Variants in PRKN observed in about 807,000 individuals in gnomAD.
PRKN encodes the protein E3 ubiquitin-protein ligase parkin.
In PRKN, 56 loss-of-function variants were observed where a neutral mutation model predicts 59.5. That is an observed-to-expected ratio of 0.94 (90% CI 0.76 to 1.18). The LOEUF (loss-of-function observed/expected upper bound fraction) is 1.18, where lower values mean the gene tolerates loss of function less well. PRKN is among the 50% of genes most tolerant of loss of function. The pLI, the probability that PRKN is intolerant of heterozygous loss-of-function variation, is 0.00. For synonymous variants in PRKN, 250 were observed against 222.1 expected, an observed-to-expected ratio of 1.13 and a Z score of -1.12; for missense variants, 657 against 596.4, an observed-to-expected ratio of 1.10 and a Z score of -1.06.
At position 161,460,293 on chromosome 6, in the gene PRKN, C is replaced by T. The variant is rs1790144829; in HGVS notation, c.1084-73416G>A. ...CACCGTGTGTTTACAGAGGAGAGTGCCTTTGACCAAGATCTTGAAAAGTGG... is the reference window on the plus strand; with the variant it reads ...CACCGTGTGTTTACAGAGGAGAGTGTCTTTGACCAAGATCTTGAAAAGTGG... On this transcript the variant is annotated intron_variant, in intron 9 of 11. Coordinates refer to ENST00000366898, the MANE Select transcript of PRKN (RefSeq NM_004562.3). This position sits in a 1 kb window ranked among gnomAD's most constrained non-coding sequence, Gnocchi z 5.0. Among the ~76,000 whole-genome samples, 1 of 152,056 alleles carries T rather than the reference C, an allele frequency of 6.6e-6. No individual in the cohort carries two copies. Among genetic ancestry groups the T allele is most frequent in the South Asian group, 2.1e-4 (1 of 4,814 alleles).
chr6:162,389,483 T>C (rs978935521), intron 2 of PRKN, among the ~76,000 whole-genome samples: 10 of 152,186 alleles, frequency 6.6e-5, no homozygotes, highest in Non-Finnish European at 1.2e-4. Flanking sequence ...CATCTTGGCA[T>C]GCTCATTTAA....
chr6:161,482,986 A>C (rs922563022), intron 9 of PRKN, among the ~76,000 whole-genome samples: 4 of 152,106 alleles, frequency 2.6e-5, no homozygotes, highest in African/African-American at 9.7e-5. Flanking sequence ...ATCTTCACTA[A>C]ATTTAATCAC....
chr6:161,764,994 A>G (rs566847771), intron 7 of PRKN, among the ~76,000 whole-genome samples: 1 of 152,330 alleles, frequency 6.6e-6, no homozygotes, highest in Admixed American at 6.5e-5. Flanking sequence ...CAAACACACA[A>G]TTCACAATTA....
Position 162,425,136 on chromosome 6 carries a change from TG to T in PRKN, c.171+18173del, listed in dbSNP as rs564414149. On this transcript the variant is annotated intron_variant, in intron 2 of 11. Coordinates refer to ENST00000366898, the MANE Select transcript of PRKN (RefSeq NM_004562.3). ...ACCTGATACTAGACCTTACATTTGA[TG>T]GTTTGTAATCAGAGATCTGCTCTTC... Among the ~76,000 whole-genome samples the T allele has an allele frequency of 1.1e-4, 16 of 152,272 alleles. No individual in the cohort carries two copies. The East Asian group carries it at 2.9e-3, about 28-fold the overall frequency.
rs562294194 is a variant in PRKN at position 161,373,477 on chromosome 6, G to C, written c.1168-13272C>G. Among the ~76,000 whole-genome samples, 1 of 152,310 alleles carries C rather than the reference G, an allele frequency of 6.6e-6. No homozygotes were observed. Among genetic ancestry groups the C allele is most frequent in the African/African-American group, 2.4e-5 (1 of 41,572 alleles). ...AAGGTAAATGCAACCCTGGAGAACA[G>C]CAGTGCTGAGCCTAAATGGGCTATG... is the stretch of plus-strand genomic sequence containing the variant. On this transcript the variant is annotated intron_variant, in intron 10 of 11. Transcript: ENST00000366898. This position sits in a 1 kb window ranked among gnomAD's most constrained non-coding sequence, Gnocchi z 4.8.
At chr6:161,418,266 G>A (rs1380688854) in intron 9 of PRKN, among the ~76,000 whole-genome samples, 1 of 152,208 alleles carries the variant, frequency 6.6e-6, no homozygotes, top group Admixed American at 6.5e-5. Flanking sequence ...AGAAGAACAG[G>A]TGTGTCAAGC....
rs1779867306 is a variant in PRKN, at chr6:161,548,321, A to G, written c.1083+533T>C. Among the ~76,000 whole-genome samples the G allele has an allele frequency of 6.6e-6, 1 of 152,144 alleles. No homozygotes were observed. Among genetic ancestry groups the G allele is most frequent in the African/African-American group, 2.4e-5 (1 of 41,414 alleles). On this transcript the variant is annotated intron_variant, in intron 9 of 11. Transcript: ENST00000366898. The surrounding 1 kb of genome is among the most constrained non-coding windows in gnomAD (Gnocchi z 4.2). ...ACCTCTTAGAACAAACATTTTCCAC[A>G]TTTCTTATTCTGCTTCCATAAGAGA...
At chr6:162,521,312 G>A (rs886137281) in intron 1 of PRKN, among the ~76,000 whole-genome samples, 1 of 152,190 alleles carries the variant, frequency 6.6e-6, no homozygotes, top group Non-Finnish European at 1.5e-5. Context: ...TGAGAGGGCA[G>A]ACTCTAGCTA....
chr6:162,694,956 G>A (rs541570351), intron 1 of PRKN: 2 of 152,222 alleles, frequency 1.3e-5, no homozygotes, highest in East Asian at 1.9e-4. Flanking sequence ...AGTTCTAGTC[G>A]ACTTTGTCAG....
chr6:161,827,634 A>C (rs942190580), intron 6 of PRKN, among the ~76,000 whole-genome samples: 2 of 151,280 alleles, frequency 1.3e-5, no homozygotes, highest in Admixed American at 1.3e-4. Flanking sequence ...CAGCCTCCTG[A>C]GTAGCTGGGA....
chr6:162,678,725 T>C (rs576673071), intron 1 of PRKN, among the ~76,000 whole-genome samples: 11 of 152,334 alleles, frequency 7.2e-5, no homozygotes, highest in East Asian at 1.9e-4. Context: ...TTTGCAAATA[T>C]GTTTCTCCAA....
intron 1 of PRKN, among the ~76,000 whole-genome samples, chr6:162,524,009 T>G (rs1778178714): frequency 6.6e-6 from 1 of 152,150 alleles, no homozygotes; most frequent in African/African-American, 2.4e-5. Context: ...TTGGAGAAGT[T>G]ACTTAACCTT....
chr6:162,277,292 ACT>A (rs955623939), intron 2 of PRKN, among the ~76,000 whole-genome samples: 25 of 152,308 alleles, frequency 1.6e-4, no homozygotes, highest in African/African-American at 5.5e-4. Context: ...CATCACTGTA[ACT>A]AAGATTCACA....
At chr6:161,453,424 T>C (rs917414734) in intron 9 of PRKN, among the ~76,000 whole-genome samples, 5 of 152,226 alleles carry the variant, frequency 3.3e-5, no homozygotes, top group Non-Finnish European at 7.3e-5. Flanking sequence ...CCTGGTTTTT[T>C]AACCAAACAT....
At chr6:162,278,183 T>C (rs1227966638) in intron 2 of PRKN, among the ~76,000 whole-genome samples, 6 of 152,158 alleles carry the variant, frequency 3.9e-5, no homozygotes, top group Admixed American at 3.3e-4. Context: ...CTACATCTTG[T>C]ATGATTCCAA....
At chr6:161,374,484 GGT>G (rs1785572964) in intron 10 of PRKN, among the ~76,000 whole-genome samples, 1 of 141,622 alleles carries the variant, frequency 7.1e-6, no homozygotes, top group Non-Finnish European at 1.5e-5. Flanking sequence ...ATGGGTGTGT[GGT>G]GTGTGTGGTG....
chr6:161,469,546 A>AG (rs1491495709), intron 9 of PRKN, among the ~76,000 whole-genome samples: 11 of 143,522 alleles, frequency 7.7e-5, no homozygotes, highest in African/African-American at 3.1e-4. Flanking sequence ...TGAACAAGAG[A>AG]AAGAGAGAGA....
chr6:162,543,223 T>C (rs990578673), intron 1 of PRKN, among the ~76,000 whole-genome samples: 4 of 152,074 alleles, frequency 2.6e-5, no homozygotes, highest in Admixed American at 6.6e-5. Context: ...GGGCCAAAAA[T>C]TGAGATTGAC....
chr6:162,201,025 T>C, intron 4 of PRKN, 106 bp downstream of exon 4: 3 of 1,279,350 alleles, frequency 2.3e-6, no homozygotes, highest in South Asian at 2.4e-5. Flanking sequence ...AGAGAATGTC[T>C]TTTCTTTTCA....
Sources: allele counts gnomAD v4.1 joint callset (sites outside exome capture counted in the v4.1 genomes callset), GRCh38; gene constraint gnomAD v4.1.1; non-coding constraint Gnocchi (gnomAD v3.1); transcripts MANE v1.5; gene names NCBI Gene and HGNC (gene_info 2026-07-23, HGNC 2026-07-21).